The following R3HDM1 variants were observed in gnomAD, a reference collection of about 807,000 sequenced individuals.
R3HDM1 encodes R3H domain containing 1.
R3HDM1 carries 46 observed loss-of-function variants against 141.1 expected under a neutral mutation model. The ratio of observed to expected loss-of-function variants is 0.33; its 90% CI spans 0.26 to 0.42. The LOEUF is 0.42. Ranked by LOEUF, R3HDM1 falls within the 10% of genes least tolerant of loss-of-function variation. The pLI is 1.00. For synonymous variants in R3HDM1, 435 were observed against 472.9 expected (o/e 0.92, Z 1.04); for missense variants, 1,184 against 1,368.3 (o/e 0.87, Z 2.12).
At position 135,683,953 on chromosome 2, in the gene R3HDM1, AATACATAC is replaced by A. The variant is rs3074523; in HGVS notation, c.2459+3670_2459+3677del. Among the ~76,000 whole-genome samples the A allele has an allele frequency of 1.5e-3, 229 of 147,984 alleles. 1 individual carries two copies. The highest frequency in any genetic ancestry group is 4.3e-3 in the East Asian group (21 of 4,904). ...TAACAGAGTGATACTCTGTCTCATA[AATACATAC>A]ATACATACATACATACATACATACA... On this transcript the variant is annotated intron_variant, in intron 21 of 26. Transcript: ENST00000683871.
chr2:135,666,814 T>TTCCACAGACAGA, intron 19 of R3HDM1, among the ~76,000 whole-genome samples: 2 of 151,998 alleles, frequency 1.3e-5, no homozygotes, highest in African/African-American at 4.8e-5. Context: ...CCTACTAAAA[T>TTCCACAGACAGA]AGTGCCACAG....
chr2:135,715,351 A>G (rs1344326076), intron 23 of R3HDM1, among the ~76,000 whole-genome samples, 199 bp from the exon 24 acceptor site: 1 of 152,170 alleles, frequency 6.6e-6, no homozygotes, highest in East Asian at 1.9e-4. Flanking sequence ...CAGCCTGGGC[A>G]ACAGAGTGAG....
At chr2:135,549,065 C>T (rs1352685119) in intron 1 of R3HDM1, among the ~76,000 whole-genome samples, 1 of 152,132 alleles carries the variant, frequency 6.6e-6, no homozygotes, top group Non-Finnish European at 1.5e-5. Context: ...AAGTTTTGAA[C>T]ATTTGTATTG....
chr2:135,532,703 A>G (rs1485765292), intron 1 of R3HDM1, among the ~76,000 whole-genome samples: 4 of 152,232 alleles, frequency 2.6e-5, no homozygotes, highest in Non-Finnish European at 5.9e-5. Flanking sequence ...CCCATTTATA[A>G]TATGTGAAAC....
intron 1 of R3HDM1, among the ~76,000 whole-genome samples, chr2:135,572,502 G>GC (rs1704361528): frequency 6.6e-6 from 1 of 152,180 alleles, no homozygotes; most frequent in African/African-American, 2.4e-5. Flanking sequence ...ACAACTTCAT[G>GC]CCCACTAGGA....
At chr2:135,592,239 A>C (rs975393523) in intron 1 of R3HDM1, among the ~76,000 whole-genome samples, 4 of 152,246 alleles carry the variant, frequency 2.6e-5, no homozygotes, top group African/African-American at 9.6e-5. Flanking sequence ...ATGAATGACA[A>C]AGACATTTCC....
chr2:135,640,356 A>G (rs2063678324), intron 14 of R3HDM1, among the ~76,000 whole-genome samples: 2 of 152,192 alleles, frequency 1.3e-5, no homozygotes, highest in African/African-American at 4.8e-5. Context: ...TAAGAAGTCT[A>G]CTTGTGTACC....
At chr2:135,593,504 T>G (rs1406491870) in intron 1 of R3HDM1, among the ~76,000 whole-genome samples, 1 of 152,152 alleles carries the variant, frequency 6.6e-6, no homozygotes, top group East Asian at 1.9e-4. Context: ...TCTCACCAGG[T>G]TATCCCCAGG....
intron 1 of R3HDM1, among the ~76,000 whole-genome samples, chr2:135,565,325 T>TAAAA (rs1559133152): frequency 1.2e-5 from 1 of 86,948 alleles, no homozygotes; most frequent in African/African-American, 1.1e-4. Flanking sequence ...GAAAAAAAAT[T>TAAAA]ATTATTATTA....
At chr2:135,610,127 T>C (rs2060400263) in intron 3 of R3HDM1, among the ~76,000 whole-genome samples, 1 of 152,220 alleles carries the variant, frequency 6.6e-6, no homozygotes, top group Admixed American at 6.5e-5. Context: ...AATTCAGAAC[T>C]CTGTGCTCTG....
At chr2:135,716,204 G>A (rs192079203) in intron 24 of R3HDM1, among the ~76,000 whole-genome samples, 103 of 152,280 alleles carry the variant, frequency 6.8e-4, no homozygotes, top group African/African-American at 2.4e-3. Flanking sequence ...GGAGGCTGAA[G>A]CGGGAGGATC....
intron 1 of R3HDM1, chr2:135,550,110 G>A (rs1699556861): frequency 1.0e-6 from 1 of 984,032 alleles, no homozygotes; most frequent in South Asian, 4.7e-5. Flanking sequence ...AAGTCCATAT[G>A]ATAAATTACA....
chr2:135,636,199 C>T lies in R3HDM1; in HGVS notation c.903+16C>T, dbSNP rs1195861071. On this transcript the variant is annotated intron_variant, in intron 11 of 26. Coordinates refer to ENST00000683871, the MANE Select transcript of R3HDM1 (RefSeq NM_001378107.1). ...TTCCCAAGATGTACGTACTAACTTA[C>T]TTAGGTCTTCATGTTAGAGTATATT... 5 of 1,607,992 alleles carry T rather than the reference C, an allele frequency of 3.1e-6. No individual in the cohort carries two copies. The African/African-American group carries it at 6.7e-5, about 22-fold the overall frequency.
chr2:135,723,799 AAAAAAAG>A, intron 26 of R3HDM1, 131 bp from the exon 27 acceptor site: 4 of 578,792 alleles, frequency 6.9e-6, no homozygotes, highest in Non-Finnish European at 1.2e-5. Flanking sequence ...AAAAAAAAAA[AAAAAAAG>A]ATGGCCCTAA....
At chr2:135,536,653 T>A (rs1269108588) in intron 1 of R3HDM1, 3 of 927,202 alleles carry the variant, frequency 3.2e-6, no homozygotes, top group African/African-American at 3.6e-5. Flanking sequence ...ATTTGACTTG[T>A]CACAACATTA....
intron 23 of R3HDM1, among the ~76,000 whole-genome samples, chr2:135,713,406 A>G (rs2075868289): frequency 6.6e-6 from 1 of 152,210 alleles, no homozygotes; most frequent in Non-Finnish European, 1.5e-5. Context: ...GTAAATTGGT[A>G]CAGCTCTTTG....
In R3HDM1 at chr2:135,571,315, T is replaced by A. The variant is rs992444657; in HGVS notation, c.-249-31185T>A. On this transcript the variant is annotated intron_variant, in intron 1 of 26. Coordinates refer to ENST00000683871, the MANE Select transcript of R3HDM1 (RefSeq NM_001378107.1). ...TAGCAAAATTTTATTTTATTATTTT[T>A]TTTTAATTATTCATTTATTTATTTT... Among the ~76,000 whole-genome samples the A allele has an allele frequency of 6.6e-5, 10 of 152,156 alleles. No individual in the cohort carries two copies. The East Asian group carries it at 1.5e-3, about 23-fold the overall frequency.
chr2:135,636,241 G>A, intron 11 of R3HDM1, 58 bp downstream of exon 11: 1 of 1,544,526 alleles, frequency 6.5e-7, no homozygotes, highest in East Asian at 2.3e-5. Context: ...ACGTTGTAGG[G>A]TCTCAGTCTC....
chr2:135,708,503 T>C (rs1292868755), intron 21 of R3HDM1, among the ~76,000 whole-genome samples: 1 of 152,214 alleles, frequency 6.6e-6, no homozygotes, highest in African/African-American at 2.4e-5. Context: ...AGACAGCTTT[T>C]TAAAATGACA....
Sources: gnomAD v4.1 joint callset for allele counts (sites outside exome capture counted in the v4.1 genomes callset) on GRCh38, gnomAD v4.1.1 for gene constraint, MANE v1.5 for transcripts, NCBI Gene and HGNC (gene_info 2026-07-23, HGNC 2026-07-21) for gene names.